PTPRD: variants seen among roughly 807,000 people sequenced by gnomAD.
PTPRD encodes receptor-type tyrosine-protein phosphatase delta.
In PTPRD, 34 loss-of-function variants were observed where a neutral mutation model predicts 214.5. The observed-to-expected ratio is 0.16, with a 90% confidence interval of 0.12 to 0.21. The LOEUF (loss-of-function observed/expected upper bound fraction) is 0.21. Among genes scored for constraint, PTPRD ranks in the 10% least tolerant of loss-of-function variants. The probability of loss-of-function intolerance (pLI) is 1.00; values close to 1 mark genes in which losing one functional copy is unlikely to be tolerated. For synonymous variants in PTPRD, 1,128 were observed against 845.7 expected (o/e 1.33, Z -5.79); for missense variants, 2,545 against 2,398.7 (o/e 1.06, Z -1.27).
At chr9:10,550,484 G>A (rs1035738149) in intron 2 of PTPRD, among the ~76,000 whole-genome samples, 2 of 152,166 alleles carry the variant, frequency 1.3e-5, no homozygotes, top group African/African-American at 4.8e-5. Context: ...CACTGAGCTG[G>A]TTGCTGATTT....
At chr9:9,470,145 T>G (rs1024175773) in intron 8 of PTPRD, among the ~76,000 whole-genome samples, 10 of 152,186 alleles carry the variant, frequency 6.6e-5, no homozygotes, top group African/African-American at 2.2e-4. Context: ...AATGAACTAG[T>G]GGTGTTAATA....
intron 11 of PTPRD, among the ~76,000 whole-genome samples, chr9:8,974,320 C>T (rs1177070709): frequency 6.6e-6 from 1 of 151,958 alleles, no homozygotes; most frequent in Non-Finnish European, 1.5e-5. Flanking sequence ...TTTCTTATTG[C>T]TTGTTTTTGT....
At chr9:10,065,903 C>A (rs1001863204) in intron 3 of PTPRD, among the ~76,000 whole-genome samples, 2 of 152,024 alleles carry the variant, frequency 1.3e-5, no homozygotes, top group East Asian at 3.9e-4. Context: ...ATTAGTATTT[C>A]TTTGATGTTA....
At chr9:8,788,581 A>G (rs886864421) in intron 11 of PTPRD, among the ~76,000 whole-genome samples, 3 of 152,138 alleles carry the variant, frequency 2.0e-5, no homozygotes, top group African/African-American at 7.2e-5. Flanking sequence ...GGCCAAGATG[A>G]TATTTTTTAA....
chr9:9,268,158 C>T (rs984469974), intron 9 of PTPRD, among the ~76,000 whole-genome samples: 1 of 150,990 alleles, frequency 6.6e-6, no homozygotes, highest in African/African-American at 2.4e-5. Context: ...CTAATAAATT[C>T]AGTGAAGTCG....
At position 8,947,041 on chromosome 9, in the gene PTPRD, T is replaced by TG. The variant is rs1555572156; in HGVS notation, c.-104+71655_-104+71656insC. On this transcript the variant is annotated intron_variant, in intron 11 of 45. Coordinates refer to ENST00000381196, the MANE Select transcript of PTPRD (RefSeq NM_002839.4). ...TTTTTTTTCTTTTCTTTTTTTTTTT[T>TG]TGTGTGTGTGTCTCGATCTTCCTCC... 3.5e-3 allele frequency among the ~76,000 whole-genome samples: 530 copies of TG among 149,854 alleles called. 4 individuals are homozygous for TG. Among genetic ancestry groups the TG allele is most frequent in the African/African-American group, 0.013 (509 of 40,612 alleles).
intron 11 of PTPRD, among the ~76,000 whole-genome samples, chr9:8,842,227 T>C (rs1359051756): frequency 6.6e-6 from 1 of 152,084 alleles, no homozygotes; most frequent in Non-Finnish European, 1.5e-5. Context: ...GAGAAAGGCA[T>C]TTGGAAACAA....
chr9:9,804,281 C>T (rs1351652607), intron 5 of PTPRD, among the ~76,000 whole-genome samples: 1 of 151,988 alleles, frequency 6.6e-6, no homozygotes, highest in African/African-American at 2.4e-5. Context: ...CATAAAATAG[C>T]AGTACACTGC....
At chr9:9,849,248 G>A (rs896280591) in intron 5 of PTPRD, among the ~76,000 whole-genome samples, 1 of 151,960 alleles carries the variant, frequency 6.6e-6, no homozygotes, top group Admixed American at 6.6e-5. Context: ...GAGAGAGAAT[G>A]TACAAGCTGT....
In PTPRD at chr9:9,024,340, TTTTTTTTGTTTG is replaced by T. The variant is rs1479592687; in HGVS notation, c.-142-5617_-142-5606del. 7.9e-4 allele frequency among the ~76,000 whole-genome samples: 55 copies of T among 70,014 alleles called. 3 individuals are homozygous for T. The South Asian group carries it at 0.032, about 41-fold the overall frequency. 45.9% of individuals were successfully genotyped at this position (70,014 alleles called of 152,430 possible). A position where few individuals can be genotyped will look rare whatever the true frequency, so the allele number is the denominator to read the frequency against. On this transcript the variant is annotated intron_variant, in intron 10 of 45. Coordinates refer to ENST00000381196, the MANE Select transcript of PTPRD (RefSeq NM_002839.4). ...GAAAAGGCTATTGTCGATTCTTTGT[TTTTTTTTGTTTG>T]TTTTTTTTTTTTTCCTGTATAAACA...
rs1222564265 is a variant in PTPRD at position 10,524,731 on chromosome 9, A to G, written c.-600+87667T>C. Among the ~76,000 whole-genome samples the G allele has an allele frequency of 2.6e-5, 4 of 152,164 alleles. No individual in the cohort carries two copies. In the East Asian group the frequency reaches 5.8e-4, roughly 22 times the overall value. On this transcript the variant is annotated intron_variant, in intron 2 of 45. Transcript: ENST00000381196. ...TTATCCCCTAGTAACGTATAATCTC[A>G]CTTTGAGAAGAGAAAATCGAGTTCA... is the stretch of plus-strand genomic sequence containing the variant.
intron 12 of PTPRD, among the ~76,000 whole-genome samples, chr9:8,684,339 T>G (rs1008055585): frequency 6.6e-6 from 1 of 152,246 alleles, no homozygotes; most frequent in South Asian, 2.1e-4. Context: ...ATCTCTATTT[T>G]ACAAATGAGC....
intron 11 of PTPRD, among the ~76,000 whole-genome samples, chr9:8,754,070 G>A (rs2093768941): frequency 1.3e-5 from 2 of 152,040 alleles, no homozygotes; most frequent in Non-Finnish European, 2.9e-5. Flanking sequence ...ACTTGAAATC[G>A]GGAGGCAGAG....
intron 2 of PTPRD, among the ~76,000 whole-genome samples, chr9:10,610,272 G>T (rs2080607969): frequency 6.6e-6 from 1 of 152,092 alleles, no homozygotes; most frequent in African/African-American, 2.4e-5. Flanking sequence ...CTTTCATTCA[G>T]GCTATTTTCC....
intron 3 of PTPRD, among the ~76,000 whole-genome samples, chr9:10,189,109 G>A (rs2099351143): frequency 6.6e-6 from 1 of 152,104 alleles, no homozygotes; most frequent in Non-Finnish European, 1.5e-5. Flanking sequence ...GTGAGGATGT[G>A]CTGCAGCCTC....
intron 9 of PTPRD, among the ~76,000 whole-genome samples, chr9:9,335,172 G>A (rs985730676): frequency 1.3e-5 from 2 of 151,968 alleles, no homozygotes; most frequent in African/African-American, 4.8e-5. Flanking sequence ...ATTTTCAACT[G>A]AAATAAGCAT....
chr9:9,920,918 G>A (rs546517370), intron 5 of PTPRD, among the ~76,000 whole-genome samples: 1 of 152,096 alleles, frequency 6.6e-6, no homozygotes, highest in Non-Finnish European at 1.5e-5. Flanking sequence ...ATCAGTGATT[G>A]CTCTATTAAT....
chr9:10,234,844 G>A (rs932539859), intron 3 of PTPRD, among the ~76,000 whole-genome samples: 3 of 151,674 alleles, frequency 2.0e-5, no homozygotes, highest in Non-Finnish European at 4.4e-5. Context: ...AATATACTTC[G>A]GGAGATTAAC....
chr9:8,612,914 T>C (rs73423251), intron 14 of PTPRD, among the ~76,000 whole-genome samples: 2,497 of 152,282 alleles, frequency 0.016, 70 homozygotes, highest in African/African-American at 0.056. Context: ...TGTTCTGTGA[T>C]TGGGTATGGC....
Sources: allele counts gnomAD v4.1 joint callset (sites outside exome capture counted in the v4.1 genomes callset), GRCh38; gene constraint gnomAD v4.1.1; transcripts MANE v1.5; gene names NCBI Gene and HGNC (gene_info 2026-07-23, HGNC 2026-07-21).